Variants in SPATS2 observed in about 807,000 individuals in gnomAD.
SPATS2 encodes spermatogenesis-associated serine-rich protein 2.
Under a neutral mutation model 63.7 loss-of-function variants are expected in SPATS2, and 38 were observed. The observed-to-expected ratio is 0.60, with a 90% CI of 0.46 to 0.78. SPATS2 has a LOEUF of 0.78. Among genes scored for constraint, SPATS2 ranks in the 30% least tolerant of loss-of-function variants. The probability of loss-of-function intolerance (pLI) is 0.00; values close to 1 mark genes in which losing one functional copy is unlikely to be tolerated. For missense variants in SPATS2, 588 were observed against 666.2 expected (o/e 0.88, Z 1.29); for synonymous variants, 207 against 232.9 (o/e 0.89, Z 1.01).
intron 2 of SPATS2, among the ~76,000 whole-genome samples, chr12:49,422,891 A>G (rs535309832): frequency 3.3e-5 from 5 of 152,212 alleles, no homozygotes; most frequent in African/African-American, 4.8e-5. Context: ...CAGCCTGGGA[A>G]ACAGAACCAG....
chr12:49,471,273 A>AC (rs1003951576), intron 3 of SPATS2, among the ~76,000 whole-genome samples: 52 of 152,282 alleles, frequency 3.4e-4, no homozygotes, highest in African/African-American at 1.2e-3. Flanking sequence ...TCAACTTGAG[A>AC]CCATTTATAA....
chr12:49,510,072 CAT>C (rs1946724534), intron 9 of SPATS2, among the ~76,000 whole-genome samples: 1 of 150,638 alleles, frequency 6.6e-6, no homozygotes, highest in Admixed American at 6.6e-5. Context: ...GCCTGGACAA[CAT>C]AGTGAGACCC....
chr12:49,457,285 A>G (rs1945735768), intron 2 of SPATS2, among the ~76,000 whole-genome samples: 2 of 151,598 alleles, frequency 1.3e-5, no homozygotes, highest in Non-Finnish European at 2.9e-5. Context: ...TGTCATTTTT[A>G]TTTATCTTCT....
intron 2 of SPATS2, among the ~76,000 whole-genome samples, chr12:49,445,115 T>C (rs1461864217): frequency 3.9e-5 from 6 of 152,190 alleles, no homozygotes; most frequent in African/African-American, 1.4e-4. Context: ...TTCATCCTTA[T>C]TGCACTGACA....
intron 2 of SPATS2, among the ~76,000 whole-genome samples, chr12:49,373,141 T>G (rs1944032354): frequency 6.6e-6 from 1 of 151,972 alleles, no homozygotes; most frequent in Non-Finnish European, 1.5e-5. Flanking sequence ...CCCAGCTAAT[T>G]TTTTGTATTT....
At chr12:49,465,327 A>G (rs141703143) in intron 3 of SPATS2, among the ~76,000 whole-genome samples, 1 of 151,970 alleles carries the variant, frequency 6.6e-6, no homozygotes, top group Non-Finnish European at 1.5e-5. Context: ...TCAGGATTTC[A>G]TATTTTCCAT....
chr12:49,511,738 C>T (rs1946756987), intron 9 of SPATS2, among the ~76,000 whole-genome samples: 1 of 152,122 alleles, frequency 6.6e-6, no homozygotes, highest in African/African-American at 2.4e-5. Context: ...GCTTAAGTTT[C>T]TGTGTTAAAA....
rs1417958172 is a variant in SPATS2, at chr12:49,378,919, T to C, written c.-244+7629T>C. Reference sequence around the variant, plus strand: ...AGATTTTATTTTATTATTTTTATTTTATTTTATTTTATTTTTGAGATGGAG... The same window carrying C: ...AGATTTTATTTTATTATTTTTATTTCATTTTATTTTATTTTTGAGATGGAG... On this transcript the variant is annotated intron_variant, in intron 2 of 13. Coordinates refer to ENST00000552918, the MANE Select transcript of SPATS2 (RefSeq NM_023071.4). Among the ~76,000 whole-genome samples, 8 of 151,750 alleles carry C rather than the reference T, an allele frequency of 5.3e-5. No individual in the cohort carries two copies. The East Asian group carries it at 1.2e-3, about 22-fold the overall frequency.
chr12:49,477,226 C>T (rs1946133730), intron 3 of SPATS2, among the ~76,000 whole-genome samples: 1 of 152,122 alleles, frequency 6.6e-6, no homozygotes, highest in African/African-American at 2.4e-5. Context: ...TACCTCCTTC[C>T]CGTAAAAACC....
chr12:49,467,633 C>G (rs1009987476), intron 3 of SPATS2, among the ~76,000 whole-genome samples: 2 of 152,168 alleles, frequency 1.3e-5, no homozygotes, highest in Non-Finnish European at 2.9e-5. Context: ...GACTATATAT[C>G]AGAATCATCT....
intron 2 of SPATS2, among the ~76,000 whole-genome samples, chr12:49,447,396 G>A (rs1945532375): frequency 6.6e-6 from 1 of 152,076 alleles, no homozygotes; most frequent in African/African-American, 2.4e-5. Flanking sequence ...GCACCACCAT[G>A]CCTGGCTAAT....
intron 6 of SPATS2, 92 bp from the exon 7 acceptor site, chr12:49,494,647 TTG>T: frequency 8.2e-7 from 1 of 1,215,662 alleles, no homozygotes; most frequent in African/African-American, 1.5e-5. Flanking sequence ...ATTGGTAACA[TTG>T]GTTACCTTTG....
intron 1 of SPATS2, among the ~76,000 whole-genome samples, chr12:49,369,339 T>C (rs571180700): frequency 1.1e-4 from 17 of 152,216 alleles, no homozygotes; most frequent in Non-Finnish European, 1.8e-4. Flanking sequence ...GCCTCTTTTT[T>C]AATTGACCTC....
intron 10 of SPATS2, among the ~76,000 whole-genome samples, chr12:49,516,719 AAAAAG>A (rs1565761269): frequency 4.6e-5 from 7 of 152,020 alleles, no homozygotes; most frequent in Admixed American, 6.6e-5. Context: ...CTAAAAAAAA[AAAAAG>A]AAAAGAAAAG....
intron 2 of SPATS2, among the ~76,000 whole-genome samples, chr12:49,405,676 C>T (rs1408706156): frequency 6.6e-6 from 1 of 152,140 alleles, no homozygotes; most frequent in East Asian, 1.9e-4. Context: ...GATCACACCA[C>T]TTAACTCCAG....
chr12:49,484,740 C>A, intron 4 of SPATS2, 71 bp downstream of exon 4: 1 of 1,283,900 alleles, frequency 7.8e-7, no homozygotes, highest in South Asian at 1.2e-5. Flanking sequence ...CGACTAGTGG[C>A]TACCACAAAC....
chr12:49,397,560 G>A (rs1430245880), intron 2 of SPATS2, among the ~76,000 whole-genome samples: 1 of 152,060 alleles, frequency 6.6e-6, no homozygotes, highest in African/African-American at 2.4e-5. Context: ...GAGTGCTGTG[G>A]CTCACTCCTG....
chr12:49,438,623 T>G (rs1356242640), intron 2 of SPATS2, among the ~76,000 whole-genome samples: 1 of 152,262 alleles, frequency 6.6e-6, no homozygotes, highest in African/African-American at 2.4e-5. Context: ...ATTTTAGCCT[T>G]TCCTGTGTGT....
intron 4 of SPATS2, among the ~76,000 whole-genome samples, chr12:49,485,830 G>T (rs895894867): frequency 6.7e-6 from 1 of 149,476 alleles, no homozygotes; most frequent in Non-Finnish European, 1.5e-5. Context: ...CGCAGTCTCG[G>T]CTCCCTTTAG....
Sources: allele counts gnomAD v4.1 joint callset (sites outside exome capture counted in the v4.1 genomes callset), GRCh38; gene constraint gnomAD v4.1.1; transcripts MANE v1.5; gene names NCBI Gene and HGNC (gene_info 2026-07-23, HGNC 2026-07-21).